ANKS1B: variants seen among roughly 807,000 people sequenced by gnomAD.
ANKS1B encodes the protein ankyrin repeat and sterile alpha motif domain-containing protein 1B.
In ANKS1B, 36 loss-of-function variants were observed where a neutral mutation model predicts 148.3. The ratio of observed to expected loss-of-function variants is 0.24; its 90% CI spans 0.19 to 0.32. The LOEUF (loss-of-function observed/expected upper bound fraction) is 0.32, where lower values mean the gene tolerates loss of function less well. Ranked by LOEUF, ANKS1B falls within the 10% of genes least tolerant of loss-of-function variation. The pLI, the probability that ANKS1B is intolerant of heterozygous loss-of-function variation, is 1.00. For synonymous variants in ANKS1B, 542 were observed against 560.8 expected, an observed-to-expected ratio of 0.97 and a Z score of 0.47; for missense variants, 1,157 against 1,542.6, an observed-to-expected ratio of 0.75 and a Z score of 4.19.
chr12:99,971,528 T>C (rs1352840490), intron 1 of ANKS1B, among the ~76,000 whole-genome samples: 2 of 150,538 alleles, frequency 1.3e-5, no homozygotes, highest in Admixed American at 6.7e-5. Context: ...ATTTGTGTAA[T>C]ACATAAAACA....
chr12:99,625,534 A>G (rs1430872555), intron 9 of ANKS1B, among the ~76,000 whole-genome samples: 1 of 152,176 alleles, frequency 6.6e-6, no homozygotes, highest in East Asian at 1.9e-4. Context: ...TGTCTGATAC[A>G]TAGCAAGAGA....
At chr12:99,435,835 A>G (rs909555563) in intron 11 of ANKS1B, among the ~76,000 whole-genome samples, 2 of 151,992 alleles carry the variant, frequency 1.3e-5, no homozygotes, top group Admixed American at 1.3e-4. Context: ...CCTCAGACAG[A>G]CTGATTTAAT....
chr12:99,058,988 C>T (rs546533450), intron 16 of ANKS1B, among the ~76,000 whole-genome samples: 8 of 85,158 alleles, frequency 9.4e-5, no homozygotes, highest in African/African-American at 3.1e-4. Context: ...CCGCCCGCCT[C>T]GGCCTCCCAA....
At chr12:99,723,567 A>G (rs1421868111) in intron 8 of ANKS1B, among the ~76,000 whole-genome samples, 1 of 152,144 alleles carries the variant, frequency 6.6e-6, no homozygotes, top group African/African-American at 2.4e-5. Context: ...TCCTCCTGCT[A>G]GTTCTGAGAA....
At chr12:98,954,620 G>A (rs772445512) in intron 17 of ANKS1B, among the ~76,000 whole-genome samples, 39 of 152,244 alleles carry the variant, frequency 2.6e-4, no homozygotes, top group Admixed American at 6.5e-4. Flanking sequence ...AACATATGAG[G>A]TTTTGCTAAG....
chr12:98,973,901 C>T (rs2099886647), intron 17 of ANKS1B, among the ~76,000 whole-genome samples: 1 of 148,938 alleles, frequency 6.7e-6, no homozygotes, highest in African/African-American at 2.6e-5. Context: ...AGATACATAT[C>T]ACAGGTATGT....
At chr12:99,462,550 G>C (rs944177927) in intron 10 of ANKS1B, among the ~76,000 whole-genome samples, 1 of 152,142 alleles carries the variant, frequency 6.6e-6, no homozygotes, top group Admixed American at 6.5e-5. Context: ...ATCCATCTTG[G>C]ATTGAACTCA....
chr12:99,739,789 T>C (rs914291318), intron 8 of ANKS1B, among the ~76,000 whole-genome samples: 6 of 152,208 alleles, frequency 3.9e-5, no homozygotes, highest in Non-Finnish European at 8.8e-5. Flanking sequence ...CTGTTCCACC[T>C]GCTTCAGGTC....
chr12:98,813,797 C>T (rs957386461), intron 19 of ANKS1B, among the ~76,000 whole-genome samples: 1 of 151,890 alleles, frequency 6.6e-6, no homozygotes, highest in African/African-American at 2.4e-5. Flanking sequence ...TCAAGTGATC[C>T]AACCACCTTG....
chr12:98,802,797 C>A (rs1349292135), intron 20 of ANKS1B, among the ~76,000 whole-genome samples: 5 of 151,800 alleles, frequency 3.3e-5, no homozygotes, highest in Admixed American at 2.0e-4. Context: ...CCACTCTCCA[C>A]ATTAGTTTTG....
Position 99,547,142 on chromosome 12 carries a change from T to A in ANKS1B, c.1273-42501A>T, listed in dbSNP as rs564787401. 4.6e-5 allele frequency among the ~76,000 whole-genome samples: 7 copies of A among 152,212 alleles called. No homozygotes were observed. The South Asian group carries it at 1.4e-3, about 32-fold the overall frequency. Reference sequence around the variant, plus strand: ...TGGGTTTTGGAGTCAGACCAGGGTTTGCATCTGAGTTTGCCCCTTTACTTT... The same window carrying A: ...TGGGTTTTGGAGTCAGACCAGGGTTAGCATCTGAGTTTGCCCCTTTACTTT... On this transcript the variant is annotated intron_variant, in intron 9 of 26. Transcript: ENST00000683438.
intron 1 of ANKS1B, among the ~76,000 whole-genome samples, chr12:99,879,961 T>C (rs1434194157): frequency 1.3e-5 from 2 of 152,176 alleles, no homozygotes; most frequent in African/African-American, 4.8e-5. Context: ...ATTCTGGTAA[T>C]ATGACGTAGC....
chr12:99,744,600 G>A (rs540388766), intron 8 of ANKS1B, among the ~76,000 whole-genome samples: 15 of 152,206 alleles, frequency 9.9e-5, no homozygotes, highest in African/African-American at 3.6e-4. Context: ...TAAAATTAAA[G>A]CTATACAACT....
intron 9 of ANKS1B, among the ~76,000 whole-genome samples, chr12:99,594,179 G>A (rs1475735291): frequency 3.3e-5 from 5 of 152,168 alleles, no homozygotes; most frequent in African/African-American, 1.2e-4. Context: ...TCAAGTGCTG[G>A]AGTTAGCTGT....
At chr12:99,883,971 C>G (rs1429392356) in intron 1 of ANKS1B, among the ~76,000 whole-genome samples, 1 of 151,340 alleles carries the variant, frequency 6.6e-6, no homozygotes, top group Non-Finnish European at 1.5e-5. Context: ...TATATGAAAA[C>G]TCCCCAAACT....
At chr12:99,831,021 AT>A (rs984019887) in intron 1 of ANKS1B, among the ~76,000 whole-genome samples, 1 of 152,126 alleles carries the variant, frequency 6.6e-6, no homozygotes, top group African/African-American at 2.4e-5. Context: ...CCTCTTAGTT[AT>A]GGGACTTATC....
chr12:99,888,495 G>A (rs1215916022), intron 1 of ANKS1B, among the ~76,000 whole-genome samples: 1 of 152,152 alleles, frequency 6.6e-6, no homozygotes, highest in Non-Finnish European at 1.5e-5. Context: ...CAGAAAACAA[G>A]TGGAGATAGC....
chr12:98,959,401 G>A (rs770560155), intron 17 of ANKS1B, among the ~76,000 whole-genome samples: 1 of 152,122 alleles, frequency 6.6e-6, no homozygotes, highest in Non-Finnish European at 1.5e-5. Context: ...GAGGCTGGGT[G>A]GGCATGTGTC....
At chr12:99,894,308 G>GGAGT in intron 1 of ANKS1B, among the ~76,000 whole-genome samples, 1 of 72,858 alleles carries the variant, frequency 1.4e-5, no homozygotes, top group Non-Finnish European at 3.2e-5. Context: ...AGGGAGGGAG[G>GGAGT]GAGGGAGGGA....
Sources: gnomAD v4.1 joint callset for allele counts (sites outside exome capture counted in the v4.1 genomes callset) on GRCh38, gnomAD v4.1.1 for gene constraint, MANE v1.5 for transcripts, NCBI Gene and HGNC (gene_info 2026-07-23, HGNC 2026-07-21) for gene names.